USP15: variants seen among roughly 807,000 people sequenced by gnomAD.
The protein encoded by USP15 is ubiquitin carboxyl-terminal hydrolase 15.
In USP15, 18 loss-of-function variants were observed where a neutral mutation model predicts 127.1. The ratio of observed to expected loss-of-function variants is 0.14; its 90% CI spans 0.10 to 0.21. The LOEUF (loss-of-function observed/expected upper bound fraction) is 0.21. Ranked by LOEUF, USP15 falls within the 10% of genes least tolerant of loss-of-function variation. USP15 has a pLI of 1.00. For missense variants in USP15, 805 were observed against 1,159.9 expected, an observed-to-expected ratio of 0.69 and a Z score of 4.44; for synonymous variants, 364 against 393.7, an observed-to-expected ratio of 0.92 and a Z score of 0.89.
At chr12:62,329,792 G>A (rs1301252208) in intron 6 of USP15, among the ~76,000 whole-genome samples, 2 of 152,306 alleles carry the variant, frequency 1.3e-5, no homozygotes, top group Non-Finnish European at 2.9e-5. Flanking sequence ...CTGATGCCAA[G>A]TATTGGGTAT....
chr12:62,404,119 C>T, intron 21 of USP15, 74 bp from the exon 22 acceptor site: 2 of 1,354,114 alleles, frequency 1.5e-6, no homozygotes, highest in East Asian at 2.7e-5. Flanking sequence ...AATTGGTGAC[C>T]AGCTAAAAAT....
chr12:62,268,001 G>T (rs1009557163), intron 1 of USP15, among the ~76,000 whole-genome samples: 1 of 152,048 alleles, frequency 6.6e-6, no homozygotes, highest in Admixed American at 6.6e-5. Context: ...TCAAGCTGAA[G>T]AACTTTTTAA....
Position 62,410,788 on chromosome 12 carries a change from T to C in USP15, c.*6413T>C, listed in dbSNP as rs540257567. ...TTTTGAAGCTGTCGTTAAAAGTATA[T>C]ATTTTTAGCAAAGGAATTAATAACT... is the stretch of plus-strand genomic sequence containing the variant. On this transcript the variant is annotated 3_prime_UTR_variant, in exon 22 of 22. Coordinates refer to ENST00000280377, the MANE Select transcript of USP15 (RefSeq NM_001252078.2). The C allele has an allele frequency of 1.3e-5, 2 of 152,134 alleles. No individual in the cohort carries two copies. The highest frequency in any genetic ancestry group is 4.8e-5 in the African/African-American group (2 of 41,436). The allele number at this position is 152,134 out of a possible 1,614,324, so 9.4% of individuals were successfully genotyped here. A position where few individuals can be genotyped will look rare whatever the true frequency, so the allele number is the denominator to read the frequency against.
chr12:62,345,957 C>A (rs1592637243), intron 6 of USP15, among the ~76,000 whole-genome samples: 1 of 152,144 alleles, frequency 6.6e-6, no homozygotes, highest in Non-Finnish European at 1.5e-5. Context: ...TCCCACAACA[C>A]CAGAGGATTA....
At chr12:62,396,813 G>A (rs572445469) in intron 20 of USP15, among the ~76,000 whole-genome samples, 28 of 152,204 alleles carry the variant, frequency 1.8e-4, no homozygotes, top group Admixed American at 7.2e-4. Context: ...CATTTAGTCA[G>A]TTGTTTCTCA....
At chr12:62,341,255 T>A (rs570427503) in intron 6 of USP15, among the ~76,000 whole-genome samples, 10 of 152,326 alleles carry the variant, frequency 6.6e-5, no homozygotes, top group Admixed American at 3.9e-4. Flanking sequence ...ACCCTTTATT[T>A]TGAGCCTATG....
At chr12:62,271,551 G>C (rs1347276553) in intron 1 of USP15, among the ~76,000 whole-genome samples, 1 of 151,762 alleles carries the variant, frequency 6.6e-6, no homozygotes, top group East Asian at 1.9e-4. Flanking sequence ...ATTTTTCTTA[G>C]TTTTTTCTGT....
chr12:62,312,491 G>T (rs1005091158), intron 3 of USP15, among the ~76,000 whole-genome samples: 4 of 151,538 alleles, frequency 2.6e-5, no homozygotes, highest in Non-Finnish European at 5.9e-5. Context: ...TTAGTAAAGA[G>T]ACTTTGCCTT....
chr12:62,315,113 A>C (rs2064794937), intron 4 of USP15, 197 bp downstream of exon 4: 2 of 466,592 alleles, frequency 4.3e-6, no homozygotes, highest in Non-Finnish European at 6.6e-6. Flanking sequence ...AATGAATTTT[A>C]ACATTTGTGC....
chr12:62,293,212 T>C (rs1389171416), intron 1 of USP15, among the ~76,000 whole-genome samples: 6 of 152,186 alleles, frequency 3.9e-5, no homozygotes, highest in Non-Finnish European at 7.4e-5. Context: ...ACCCTTTCCG[T>C]GCAACACCAA....
chr12:62,349,679 A>G (rs1592644563), intron 7 of USP15, among the ~76,000 whole-genome samples: 1 of 152,098 alleles, frequency 6.6e-6, no homozygotes, highest in African/African-American at 2.4e-5. Flanking sequence ...AGTGATTCTC[A>G]AGTGGAAAGC....
chr12:62,270,649 C>T (rs961689900), intron 1 of USP15, among the ~76,000 whole-genome samples: 1 of 151,962 alleles, frequency 6.6e-6, no homozygotes, highest in Non-Finnish European at 1.5e-5. Flanking sequence ...TATCTTGGTA[C>T]CCTGCTTGAA....
Position 62,410,284 on chromosome 12 carries a change from T to A in USP15, c.*5909T>A, listed in dbSNP as rs2068006922. On this transcript the variant is annotated 3_prime_UTR_variant, in exon 22 of 22. Coordinates refer to ENST00000280377, the MANE Select transcript of USP15 (RefSeq NM_001252078.2). ...CCTAATAGAAGCACCAAGGATTATCTATTTGTAATCACATTGTGGTGAATT... is the reference window on the plus strand; with the variant it reads ...CCTAATAGAAGCACCAAGGATTATCAATTTGTAATCACATTGTGGTGAATT... The A allele has an allele frequency of 6.6e-6, 1 of 152,166 alleles. No homozygotes were observed. The highest frequency in any genetic ancestry group is 1.5e-5 in the Non-Finnish European group (1 of 68,004). 9.4% of individuals were successfully genotyped at this position (152,166 alleles called of 1,614,324 possible). A position where few individuals can be genotyped will look rare whatever the true frequency, so the allele number is the denominator to read the frequency against.
chr12:62,300,682 G>A (rs2064285669), intron 2 of USP15, among the ~76,000 whole-genome samples: 1 of 152,086 alleles, frequency 6.6e-6, no homozygotes, highest in Non-Finnish European at 1.5e-5. Context: ...AAACAAATGC[G>A]CCTTGAGTAT....
chr12:62,309,851 ACTC>A (rs1487036778), intron 3 of USP15, among the ~76,000 whole-genome samples: 3 of 151,810 alleles, frequency 2.0e-5, no homozygotes, highest in Non-Finnish European at 2.9e-5. Context: ...AAAAAAAAAA[ACTC>A]CTAGAAAACT....
At chr12:62,269,322 G>GTA (rs757756401) in intron 1 of USP15, among the ~76,000 whole-genome samples, 17 of 151,814 alleles carry the variant, frequency 1.1e-4, no homozygotes, top group African/African-American at 2.2e-4. Context: ...ACAATGGTAA[G>GTA]TATATATATA....
chr12:62,262,486 T>C (rs1323833496), intron 1 of USP15, among the ~76,000 whole-genome samples: 1 of 152,220 alleles, frequency 6.6e-6, no homozygotes, highest in Non-Finnish European at 1.5e-5. Context: ...ATATAAGTGT[T>C]ATTGTCTCTC....
rs73135302 is a variant in USP15, at chr12:62,307,715, C to T, written c.348+4795C>T. ...ATGATGCCATCCCACTCCATGTCCT[C>T]CCCATGGACACTATACACTACCTTC... On this transcript the variant is annotated intron_variant, in intron 3 of 21. Transcript: ENST00000280377. Among the ~76,000 whole-genome samples the T allele has an allele frequency of 5.7e-3, 863 of 152,264 alleles. 5 individuals are homozygous for T. Among genetic ancestry groups the T allele is most frequent in the Middle Eastern group, 0.024 (7 of 294 alleles).
intron 8 of USP15, among the ~76,000 whole-genome samples, chr12:62,371,303 T>C (rs974492591): frequency 5.9e-5 from 9 of 152,210 alleles, no homozygotes; most frequent in African/African-American, 2.2e-4. Context: ...TTTCTCTCTT[T>C]CTTCTATCCA....
Sources: gnomAD v4.1 joint callset for allele counts (sites outside exome capture counted in the v4.1 genomes callset) on GRCh38, gnomAD v4.1.1 for gene constraint, MANE v1.5 for transcripts, NCBI Gene and HGNC (gene_info 2026-07-23, HGNC 2026-07-21) for gene names.